The following PCDHA6 variants were observed in gnomAD, a reference collection of about 807,000 sequenced individuals.
PCDHA6 encodes the protein protocadherin alpha-6.
A neutral mutation model predicts 60.3 loss-of-function variants in PCDHA6; 55 were observed. That is an observed-to-expected ratio of 0.91 (90% CI 0.73 to 1.14). The LOEUF (loss-of-function observed/expected upper bound fraction) is 1.14. Among genes scored for constraint, PCDHA6 ranks in the 50% most tolerant of loss-of-function variants. The pLI is 0.00. For missense variants in PCDHA6, 1,327 were observed against 1,256.5 expected, an observed-to-expected ratio of 1.06 and a Z score of -0.85; for synonymous variants, 652 against 557.9, an observed-to-expected ratio of 1.17 and a Z score of -2.38.
In PCDHA6 at chr5:140,900,299, G is replaced by T. The variant is rs1042472528; in HGVS notation, c.2394+69814G>T. ...CCACACTTTCTTTTCTGTTTTTTTA[G>T]ACAGTCTCACTTTTGTCGCCCAGGC... On this transcript the variant is annotated intron_variant, in intron 1 of 3. Coordinates refer to ENST00000529310, the MANE Select transcript of PCDHA6 (RefSeq NM_018909.4). 2.0e-5 allele frequency among the ~76,000 whole-genome samples: 3 copies of T among 151,604 alleles called. No homozygotes were observed. The East Asian group carries it at 5.8e-4, about 29-fold the overall frequency.
At chr5:140,995,106 G>C (rs1318120210) in intron 3 of PCDHA6, among the ~76,000 whole-genome samples, 6 of 152,180 alleles carry the variant, frequency 3.9e-5, no homozygotes, top group East Asian at 1.9e-4. Context: ...TACATTCCAA[G>C]ACCCTCAGTG....
At chr5:140,843,505 T>A (rs2150361332) in intron 1 of PCDHA6, 2 of 1,595,718 alleles carry the variant, frequency 1.3e-6, no homozygotes, top group Admixed American at 1.7e-5. Context: ...CACTGCCCAC[T>A]GAGGGCGGGT....
intron 1 of PCDHA6, chr5:140,834,417 C>T: frequency 6.2e-7 from 1 of 1,611,544 alleles, no homozygotes; most frequent in Non-Finnish European, 8.5e-7. Flanking sequence ...CCCAGGGGGC[C>T]GACATCTACT....
intron 1 of PCDHA6, chr5:140,883,644 A>C (rs2059725253): frequency 1.2e-6 from 2 of 1,613,018 alleles, no homozygotes; most frequent in Non-Finnish European, 1.7e-6. Flanking sequence ...GCGCAGCCCG[A>C]GTACACGGTG....
At chr5:140,858,846 T>C (rs2045621304) in intron 1 of PCDHA6, 1 of 295,454 alleles carries the variant, frequency 3.4e-6, no homozygotes, top group Non-Finnish European at 6.4e-6. Flanking sequence ...ATTCCACTGA[T>C]CTATATCTCT....
intron 3 of PCDHA6, among the ~76,000 whole-genome samples, chr5:140,983,126 G>A (rs1466016868): frequency 6.6e-6 from 1 of 152,206 alleles, no homozygotes; most frequent in African/African-American, 2.4e-5. Context: ...ACATTCTGCA[G>A]ACTGACTTTT....
rs372500794 is a variant in PCDHA6, at chr5:140,876,782, C to A, written c.2394+46297C>A. 5.6e-6 allele frequency: 9 copies of A among 1,614,096 alleles called. No individual in the cohort carries two copies. The East Asian group carries it at 1.8e-4, about 32-fold the overall frequency. On this transcript the variant is annotated intron_variant, in intron 1 of 3. Transcript: ENST00000529310. ...GATGGGGGCTCGCCTTCGCTGTGGG[C>A]CACGGCTAGAGTGTCCGTGGAGGTG...
In PCDHA6 at chr5:140,870,216, C is replaced by G. The variant is rs1554163914; in HGVS notation, c.2394+39731C>G. On this transcript the variant is annotated intron_variant, in intron 1 of 3. Transcript: ENST00000529310. Reference sequence around the variant, plus strand: ...AGCCCAGCACGGTCATTGCCCTGATCAGCGTGTCTGACCGTGACTCAGGTG... The same window carrying G: ...AGCCCAGCACGGTCATTGCCCTGATGAGCGTGTCTGACCGTGACTCAGGTG... 3 of 1,614,070 alleles carry G rather than the reference C, an allele frequency of 1.9e-6. No homozygotes were observed. Among genetic ancestry groups the G allele is most frequent in the Admixed American group, 3.3e-5 (2 of 60,012 alleles).
rs114961630 is a variant in PCDHA6 at position 140,926,715 on chromosome 5, G to A, written c.2395-52234G>A. 1,110 of 952,350 alleles carry A rather than the reference G, an allele frequency of 1.2e-3. 9 individuals carry two copies. The African/African-American group carries it at 0.017, about 15-fold the overall frequency. The allele number at this position is 952,350 out of a possible 1,614,324, so 59.0% of individuals were successfully genotyped here. A position where few individuals can be genotyped will look rare whatever the true frequency, so the allele number is the denominator to read the frequency against. On this transcript the variant is annotated intron_variant, in intron 1 of 3. Transcript: ENST00000529310. ...GCCCGGCTCCCAGCTGGCCAGCCCC[G>A]GCAATGCCGGCGTTCGGGAGGCGCA... is the stretch of plus-strand genomic sequence containing the variant.
intron 1 of PCDHA6, among the ~76,000 whole-genome samples, chr5:140,844,878 G>A (rs2150374648): frequency 6.7e-6 from 1 of 149,434 alleles, no homozygotes; most frequent in East Asian, 1.9e-4. Flanking sequence ...ATACCCATTA[G>A]ACTTCGTGCA....
intron 1 of PCDHA6, chr5:140,847,362 C>T (rs1444226307): frequency 6.7e-6 from 1 of 149,420 alleles, no homozygotes; most frequent in Non-Finnish European, 1.5e-5. Context: ...AGTAGAAATA[C>T]GAAATAAAAG....
At chr5:140,963,685 C>T (rs1272143166) in intron 1 of PCDHA6, among the ~76,000 whole-genome samples, 19 of 152,220 alleles carry the variant, frequency 1.2e-4, no homozygotes, top group Middle Eastern at 3.4e-3. Flanking sequence ...TGTGTTTATC[C>T]GTGTTTGATA....
chr5:140,959,116 G>A (rs2095468018), intron 1 of PCDHA6, among the ~76,000 whole-genome samples: 1 of 152,002 alleles, frequency 6.6e-6, no homozygotes, highest in South Asian at 2.1e-4. Context: ...TCCGAAGGTG[G>A]GCGAGGTGAG....
At chr5:140,889,121 G>A (rs2062113098) in intron 1 of PCDHA6, among the ~76,000 whole-genome samples, 1 of 151,724 alleles carries the variant, frequency 6.6e-6, no homozygotes, top group East Asian at 1.9e-4. Flanking sequence ...AGGTGATACT[G>A]ATATGTCCTA....
chr5:140,880,614 GGGA>G (rs2058396473), intron 1 of PCDHA6, among the ~76,000 whole-genome samples: 1 of 152,182 alleles, frequency 6.6e-6, no homozygotes, highest in South Asian at 2.1e-4. Context: ...GTAAGCAAGA[GGGA>G]GGAGTTAATT....
intron 1 of PCDHA6, among the ~76,000 whole-genome samples, chr5:140,838,757 T>C (rs2150292205): frequency 1.3e-5 from 2 of 151,922 alleles, no homozygotes; most frequent in African/African-American, 2.4e-5. Context: ...GCATCTTTTG[T>C]AGAGACTTTG....
At chr5:140,990,981 A>G (rs1554251870) in intron 3 of PCDHA6, among the ~76,000 whole-genome samples, 1 of 152,206 alleles carries the variant, frequency 6.6e-6, no homozygotes, top group Non-Finnish European at 1.5e-5. Context: ...AGAAAGGAAG[A>G]CAATAGCTAC....
In PCDHA6 at chr5:140,857,157, T is replaced by C. The variant is rs1371246447; in HGVS notation, c.2394+26672T>C. The C allele has an allele frequency of 5.6e-6, 9 of 1,598,272 alleles. 1 individual carries two copies. The Middle Eastern group carries it at 5.0e-4, about 88-fold the overall frequency. On this transcript the variant is annotated intron_variant, in intron 1 of 3. Transcript: ENST00000529310. ...GCTCAAGTGGGCACCGTCATTGCCC[T>C]AATCAGCGTTTCTGACCATGATTCA... is the stretch of plus-strand genomic sequence containing the variant.
chr5:140,836,303 G>T (rs2150257246), intron 1 of PCDHA6: 3 of 1,613,706 alleles, frequency 1.9e-6, no homozygotes, highest in East Asian at 4.5e-5. Flanking sequence ...TAGATGAGAC[G>T]GACGCACCGC....
Sources: allele counts gnomAD v4.1 joint callset (sites outside exome capture counted in the v4.1 genomes callset), GRCh38; gene constraint gnomAD v4.1.1; transcripts MANE v1.5; gene names NCBI Gene and HGNC (gene_info 2026-07-23, HGNC 2026-07-21).